Variants in CRTAP observed in about 807,000 individuals in gnomAD.
CRTAP encodes the protein cartilage-associated protein.
In CRTAP, 33 loss-of-function variants were observed where a neutral mutation model predicts 42.7. The observed-to-expected ratio is 0.77, with a 90% confidence interval of 0.59 to 1.03. The LOEUF (loss-of-function observed/expected upper bound fraction) is 1.03. CRTAP is among the 50% of genes least tolerant of loss of function. The pLI, the probability that CRTAP is intolerant of heterozygous loss-of-function variation, is 0.00. For missense variants in CRTAP, 613 were observed against 533.9 expected (o/e 1.15, Z -1.46); for synonymous variants, 243 against 217.7 (o/e 1.12, Z -1.02).
chr3:33,144,282 AGGGAAGGAT>A lies in CRTAP; in HGVS notation c.*1838_*1846del, dbSNP rs1038153130. 2.6e-5 allele frequency: 4 copies of A among 152,264 alleles called. No homozygotes were observed. The highest frequency in any genetic ancestry group is 9.7e-5 in the African/African-American group (4 of 41,450). The allele number at this position is 152,264 out of a possible 1,614,324, so 9.4% of individuals were successfully genotyped here. On this transcript the variant is annotated 3_prime_UTR_variant, in exon 7 of 7. Transcript: ENST00000320954. ...AGATGGAGTTACCAGTTACTGAAAT[AGGGAAGGAT>A]GGGCTGGGTAAGTATGGAATTTGGT...
chr3:33,120,369 C>T lies in CRTAP; in HGVS notation c.497C>T (p.Ala166Val), dbSNP rs752387988. 1.2e-6 allele frequency: 2 copies of T among 1,614,188 alleles called. No individual in the cohort carries two copies. Among genetic ancestry groups the T allele is most frequent in the Non-Finnish European group, 1.7e-6 (2 of 1,180,012 alleles). The change falls in exon 2 of 7, where the codon GCC (alanine) becomes GTC (valine). Residue 166 changes from alanine (A) to valine (V), a missense_variant. Transcript: ENST00000320954. The part of the protein sequence containing the change: ...FKANNLPKAI[A>V]AAHTFLLKHP... ...GCAAATAATCTCCCCAAAGCCATCGCCGCTGCTCACACCTTTCTACTGAAG... is the reference window on the plus strand; with the variant it reads ...GCAAATAATCTCCCCAAAGCCATCGTCGCTGCTCACACCTTTCTACTGAAG...
In CRTAP at chr3:33,129,980, G is replaced by C. The variant is rs1559435284; in HGVS notation, c.835G>C (p.Glu279Gln). The C allele has an allele frequency of 6.2e-7, 1 of 1,613,476 alleles. No individual in the cohort carries two copies. Reference protein sequence around the residue: ...EVLECKIQCEENLTPVIGGYP... With the variant: ...EVLECKIQCEQNLTPVIGGYP... ...TCTGGAATGCAAAATACAGTGTGAA[G>C]AGAACCTCACCCCAGTTATAGGAGG... The change falls in exon 4 of 7, where the codon GAG becomes CAG. Residue 279 changes from glutamate to glutamine, a missense_variant. Coordinates refer to ENST00000320954, the MANE Select transcript of CRTAP (RefSeq NM_006371.5).
At chr3:33,122,728 A>G (rs1230682551) in intron 2 of CRTAP, among the ~76,000 whole-genome samples, 6 of 151,196 alleles carry the variant, frequency 4.0e-5, no homozygotes, top group African/African-American at 1.5e-4. Context: ...AAAAAAAAAA[A>G]AAAAGAAGAA....
chr3:33,120,548 G>A, intron 2 of CRTAP, 55 bp downstream of exon 2: 1 of 1,557,310 alleles, frequency 6.4e-7, no homozygotes, highest in Non-Finnish European at 8.7e-7. Context: ...TTAAAGAAAT[G>A]TCTCTCCATA....
chr3:33,129,312 C>T (rs1039006856), intron 3 of CRTAP, among the ~76,000 whole-genome samples: 6 of 152,102 alleles, frequency 3.9e-5, no homozygotes, highest in African/African-American at 1.4e-4. Context: ...ATTTGTAAAA[C>T]TTTTGCAATT....
At chr3:33,136,353 A>T (rs2030418480) in intron 6 of CRTAP, among the ~76,000 whole-genome samples, 1 of 152,222 alleles carries the variant, frequency 6.6e-6, no homozygotes, top group South Asian at 2.1e-4. Flanking sequence ...TAATGATGCT[A>T]TGACCATTTG....
Position 33,114,292 on chromosome 3 carries a change from G to C in CRTAP, c.215G>C (p.Arg72Pro), listed in dbSNP as rs1222420596. Residue 72 changes from arginine to proline, a missense_variant, in exon 1 of 7, where the codon CGG becomes CCG. Transcript: ENST00000320954. ...GTGGGCTACCTGGAGATCAGCCTGC[G>C]GCTGCACCGCTTGCTGCGCGACAGC... ...ESVGYLEISL[R>P]LHRLLRDSEA... 9.6e-6 allele frequency: 15 copies of C among 1,569,062 alleles called. No homozygotes were observed. Among genetic ancestry groups the C allele is most frequent in the East Asian group, 2.4e-5 (1 of 42,228 alleles).
At chr3:33,124,607 C>G in intron 3 of CRTAP, 28 bp downstream of exon 3, 1 of 1,610,390 alleles carries the variant, frequency 6.2e-7, no homozygotes, top group South Asian at 1.1e-5. Context: ...AGGCTCACTA[C>G]TCCCATGGAA....
chr3:33,121,840 T>C (rs2029883448), intron 2 of CRTAP, among the ~76,000 whole-genome samples: 1 of 152,076 alleles, frequency 6.6e-6, no homozygotes. Flanking sequence ...TATGATCTCT[T>C]GGGTGGGTGG....
rs2030751272 is a variant in CRTAP, at chr3:33,147,428, A to G, written c.*4980A>G. On this transcript the variant is annotated 3_prime_UTR_variant, in exon 7 of 7. Transcript: ENST00000320954. ...CTTGCACCTGACACTGTCCCCACAC[A>G]AATAGCTGGCTTTCGTTGCTTGTTG... The G allele has an allele frequency of 6.6e-6, 1 of 152,644 alleles. No homozygotes were observed. The highest frequency in any genetic ancestry group is 6.5e-5 in the Admixed American group (1 of 15,288). The allele number at this position is 152,644 out of a possible 1,614,324, so 9.5% of individuals were successfully genotyped here.
At chr3:33,116,213 C>G (rs1261612087) in intron 1 of CRTAP, among the ~76,000 whole-genome samples, 1 of 152,166 alleles carries the variant, frequency 6.6e-6, no homozygotes, top group Non-Finnish European at 1.5e-5. Context: ...ACATTTTACT[C>G]AATGTGACCA....
In CRTAP at chr3:33,114,555, C is replaced by T. The variant is rs773371198; in HGVS notation, c.471+7C>T. ...GCAGTTCGCTTACTTCAAGGCAAGTCCGCCTCGCCCCGTCCCAGGCCCCGG... is the reference window on the plus strand; with the variant it reads ...GCAGTTCGCTTACTTCAAGGCAAGTTCGCCTCGCCCCGTCCCAGGCCCCGG... On this transcript the variant is annotated splice_region_variant and intron_variant, in intron 1 of 6. Transcript: ENST00000320954. 14 of 1,568,008 alleles carry T rather than the reference C, an allele frequency of 8.9e-6. No homozygotes were observed. The Admixed American group carries it at 1.5e-4, about 17-fold the overall frequency.
intron 1 of CRTAP, among the ~76,000 whole-genome samples, chr3:33,118,053 C>T (rs1368902910): frequency 2.6e-5 from 4 of 152,000 alleles, no homozygotes; most frequent in South Asian, 2.1e-4. Flanking sequence ...CTCCGCCCCC[C>T]GGGTTCAAGT....
Position 33,124,316 on chromosome 3 carries a change from G to C in CRTAP, c.622-92G>C, listed in dbSNP as rs934819682. The C allele has an allele frequency of 4.1e-6, 6 of 1,474,820 alleles. No homozygotes were observed. The South Asian group carries it at 6.8e-5, about 17-fold the overall frequency. 91.4% of individuals were successfully genotyped at this position (1,474,820 alleles called of 1,614,324 possible). A position where few individuals can be genotyped will look rare whatever the true frequency, so the allele number is the denominator to read the frequency against. On this transcript the variant is annotated intron_variant, in intron 2 of 6. Coordinates refer to ENST00000320954, the MANE Select transcript of CRTAP (RefSeq NM_006371.5). The stretch of plus-strand genomic sequence containing the variant: ...GCTTCTTCAGAGCTAATGAGAGCTA[G>C]CTTGGTGGTGGTCTTGGTTCCCTTT...
At chr3:33,142,344 TTTAAAAGTC>T in intron 6 of CRTAP, 42 bp from the exon 7 acceptor site, 1 of 1,521,918 alleles carries the variant, frequency 6.6e-7, no homozygotes, top group Non-Finnish European at 9.1e-7. Context: ...CATCAGTACT[TTTAAAAGTC>T]CAATAGCCCA....
chr3:33,129,376 G>A (rs567063023), intron 3 of CRTAP, among the ~76,000 whole-genome samples: 4 of 152,226 alleles, frequency 2.6e-5, no homozygotes, highest in African/African-American at 9.6e-5. Flanking sequence ...CAAAAGAGGT[G>A]TAGTGTCTCT....
At chr3:33,129,591 G>A (rs1000753624) in intron 3 of CRTAP, among the ~76,000 whole-genome samples, 1 of 136,802 alleles carries the variant, frequency 7.3e-6, no homozygotes, top group African/African-American at 2.7e-5. Flanking sequence ...AGGCTGGAGT[G>A]CAGTGGCGCG....
chr3:33,144,830 T>TA lies in CRTAP; in HGVS notation c.*2383dup, dbSNP rs1331648256. ...ATCAGCCAAAGGACTGAGAAGGAGT[T>TA]ACCTTAAGGTCAGAGAAAACCAAGA... On this transcript the variant is annotated 3_prime_UTR_variant, in exon 7 of 7. Coordinates refer to ENST00000320954, the MANE Select transcript of CRTAP (RefSeq NM_006371.5). 3 of 152,238 alleles carry TA rather than the reference T, an allele frequency of 2.0e-5. No homozygotes were observed. The highest frequency in any genetic ancestry group is 7.2e-5 in the African/African-American group (3 of 41,456). 9.4% of individuals were successfully genotyped at this position (152,238 alleles called of 1,614,324 possible).
At chr3:33,115,923 T>TA (rs11372883) in intron 1 of CRTAP, among the ~76,000 whole-genome samples, 7,881 of 151,142 alleles carry the variant, frequency 0.052, 662 homozygotes, top group African/African-American at 0.18. Flanking sequence ...TTCTGGCAAT[T>TA]AAAAAAAAAC....
Sources: allele counts gnomAD v4.1 joint callset (sites outside exome capture counted in the v4.1 genomes callset), GRCh38; gene constraint gnomAD v4.1.1; transcripts MANE v1.5; gene names NCBI Gene and HGNC (gene_info 2026-07-23, HGNC 2026-07-21).